SLC35E2B: variants seen among roughly 807,000 people sequenced by gnomAD.
The protein encoded by SLC35E2B is solute carrier family 35 member E2B.
A neutral mutation model predicts 32.4 loss-of-function variants in SLC35E2B; 18 were observed. The observed-to-expected ratio is 0.56, with a 90% CI of 0.38 to 0.82. SLC35E2B has a LOEUF of 0.82. SLC35E2B is among the 40% of genes least tolerant of loss of function. SLC35E2B has a pLI of 0.00. For missense variants in SLC35E2B, 263 were observed against 469.5 expected (o/e 0.56, Z 4.06); for synonymous variants, 132 against 209.1 (o/e 0.63, Z 3.18).
At chr1:1,682,387 G>A (rs1643907098) in intron 2 of SLC35E2B, among the ~76,000 whole-genome samples, 2 of 152,202 alleles carry the variant, frequency 1.3e-5, no homozygotes, top group East Asian at 3.9e-4. Flanking sequence ...CAACCTACGT[G>A]CCTGTCAACA....
intron 1 of SLC35E2B, among the ~76,000 whole-genome samples, 166 bp from the exon 2 acceptor site, chr1:1,691,559 C>T (rs1644016484): frequency 6.8e-6 from 1 of 146,760 alleles, no homozygotes; most frequent in Non-Finnish European, 1.5e-5. Context: ...GTTAAGAATC[C>T]GTGCCCCTGG....
At position 1,664,716 on chromosome 1, in the gene SLC35E2B, C is replaced by T. The variant is rs1643496559; in HGVS notation, c.*1066G>A. ...CAGGGTGGGCGCCTGACACACACCACGCGCCCCAGAAACATTCAGTGTGGA... is the reference window on the plus strand; with the variant it reads ...CAGGGTGGGCGCCTGACACACACCATGCGCCCCAGAAACATTCAGTGTGGA... On this transcript the variant is annotated 3_prime_UTR_variant, in exon 10 of 10. Coordinates refer to ENST00000617444, the MANE Select transcript of SLC35E2B (RefSeq NM_001290264.2). 2.0e-5 allele frequency: 18 copies of T among 884,506 alleles called. 3 individuals carry two copies. The highest frequency in any genetic ancestry group is 2.4e-5 in the Non-Finnish European group (18 of 747,032). 54.8% of individuals were successfully genotyped at this position (884,506 alleles called of 1,614,324 possible).
At chr1:1,673,103 C>T (rs968435151) in intron 5 of SLC35E2B, 22 of 168,066 alleles carry the variant, frequency 1.3e-4, no homozygotes, top group Non-Finnish European at 2.3e-4. Context: ...GACACGGCGG[C>T]TGATGGCTGT....
intron 2 of SLC35E2B, among the ~76,000 whole-genome samples, chr1:1,685,325 G>T (rs1357099660): frequency 3.1e-4 from 46 of 146,068 alleles, no homozygotes; most frequent in African/African-American, 1.1e-3. Flanking sequence ...GAGGTGGGGG[G>T]ACTGCTTGAG....
intron 5 of SLC35E2B, chr1:1,673,936 C>T (rs1643772151): frequency 6.7e-6 from 1 of 149,168 alleles, no homozygotes; most frequent in South Asian, 2.1e-4. Flanking sequence ...GCACTCCAGC[C>T]TGGGCGAGAG....
At chr1:1,688,012 G>A (rs570810999) in intron 2 of SLC35E2B, among the ~76,000 whole-genome samples, 17 of 152,200 alleles carry the variant, frequency 1.1e-4, no homozygotes, top group African/African-American at 1.4e-4. Context: ...CCAGAGGAGC[G>A]GTCATGTTGG....
At chr1:1,685,405 G>A (rs28739310) in intron 2 of SLC35E2B, among the ~76,000 whole-genome samples, 2,844 of 107,378 alleles carry the variant, frequency 0.026, 108 homozygotes, top group African/African-American at 0.097. Context: ...ACAGTGAAAC[G>A]TTTTCTCAGA....
intron 2 of SLC35E2B, among the ~76,000 whole-genome samples, chr1:1,683,464 C>T (rs989042239): frequency 6.6e-6 from 1 of 152,186 alleles, no homozygotes; most frequent in Non-Finnish European, 1.5e-5. Context: ...GAGGAGCAGC[C>T]GGCCGCAGAG....
At chr1:1,687,139 G>A (rs181573379) in intron 2 of SLC35E2B, among the ~76,000 whole-genome samples, 10 of 152,298 alleles carry the variant, frequency 6.6e-5, no homozygotes, top group South Asian at 4.1e-4. Context: ...GGGTGCTGTC[G>A]GGCCCGAGCG....
intron 2 of SLC35E2B, among the ~76,000 whole-genome samples, chr1:1,683,552 C>CCGAA (rs2101114339): frequency 6.6e-6 from 1 of 152,052 alleles, no homozygotes; most frequent in Non-Finnish European, 1.5e-5. Flanking sequence ...GCACCACAAT[C>CCGAA]CGAAGACCAT....
rs1218972556 is a variant in SLC35E2B, at chr1:1,671,628, C to A, written c.588G>T (p.Gly196=). 1 of 1,541,832 alleles carries A rather than the reference C, an allele frequency of 6.5e-7. No individual in the cohort carries two copies. Among genetic ancestry groups the A allele is most frequent in the Admixed American group, 2.0e-5 (1 of 49,856 alleles). The stretch of plus-strand genomic sequence containing the variant: ...GGATGAGGGAGAGGTTGACCAGCAG[C>A]CCTGGCGAGAGGACAGCCCCTGTGA... ...MSRMILGEYT[G]LLVNLSLIPV... Residue 196 remains glycine, a splice_region_variant and synonymous_variant, in exon 6 of 10, where the codon GGG becomes GGT. Coordinates refer to ENST00000617444, the MANE Select transcript of SLC35E2B (RefSeq NM_001290264.2).
rs1235150949 is a variant in SLC35E2B, at chr1:1,665,730, T to C, written c.*52A>G. On this transcript the variant is annotated 3_prime_UTR_variant, in exon 10 of 10. Transcript: ENST00000617444. ...CATGGAGGAGGGCGTCCCTGCCCAT[T>C]TCTGGGGGATGCAGTGTCACGAGGA... 2 of 1,538,414 alleles carry C rather than the reference T, an allele frequency of 1.3e-6. No homozygotes were observed. Among genetic ancestry groups the C allele is most frequent in the Non-Finnish European group, 1.8e-6 (2 of 1,138,426 alleles).
chr1:1,685,104 G>A (rs557450101), intron 2 of SLC35E2B, among the ~76,000 whole-genome samples: 44 of 128,656 alleles, frequency 3.4e-4, no homozygotes, highest in Middle Eastern at 4.1e-3. Flanking sequence ...CAAAAACTCC[G>A]TCTCAAAAAA....
In SLC35E2B at chr1:1,665,077, G is replaced by C; in HGVS notation, c.*705C>G. 2.0e-6 allele frequency: 1 copy of C among 496,318 alleles called. No individual in the cohort carries two copies. Among genetic ancestry groups the C allele is most frequent in the South Asian group, 8.6e-5 (1 of 11,670 alleles). The allele number at this position is 496,318 out of a possible 1,614,324, so 30.7% of individuals were successfully genotyped here. On this transcript the variant is annotated 3_prime_UTR_variant, in exon 10 of 10. Transcript: ENST00000617444. ...GGGAGCTCACGCAGCCCAGGGTGTG[G>C]AAGGGATAGGAGGGCAGGGTGTGGA...
intron 2 of SLC35E2B, among the ~76,000 whole-genome samples, chr1:1,685,187 C>T (rs986813944): frequency 2.6e-5 from 4 of 151,384 alleles, no homozygotes; most frequent in East Asian, 1.9e-4. Flanking sequence ...TTTGGGAGAC[C>T]GAGGCAGGAG....
chr1:1,665,572 TG>T lies in SLC35E2B; in HGVS notation c.*209del. On this transcript the variant is annotated 3_prime_UTR_variant, in exon 10 of 10. Transcript: ENST00000617444. ...GGGCTCGGCGGACACAGTCAGCTAC[TG>T]GTCTGGTCTCTACTCCAGGAAGCTG... The T allele has an allele frequency of 1.4e-6, 1 of 714,974 alleles. No homozygotes were observed. The highest frequency in any genetic ancestry group is 2.2e-6 in the Non-Finnish European group (1 of 444,652). 44.3% of individuals were successfully genotyped at this position (714,974 alleles called of 1,614,324 possible). A position where few individuals can be genotyped will look rare whatever the true frequency, so the allele number is the denominator to read the frequency against.
At chr1:1,671,685 C>G in intron 5 of SLC35E2B, 56 bp from the exon 6 acceptor site, 6 of 1,430,166 alleles carry the variant, frequency 4.2e-6, no homozygotes, top group Non-Finnish European at 4.6e-6. Flanking sequence ...CGCTCCCTCC[C>G]GAGGGCCAGG....
intron 2 of SLC35E2B, among the ~76,000 whole-genome samples, chr1:1,687,101 G>A (rs1643960373): frequency 2.0e-5 from 3 of 152,116 alleles, no homozygotes; most frequent in African/African-American, 7.2e-5. Context: ...AAGATGGATG[G>A]AATGACCCCC....
At chr1:1,666,221 C>A (rs142277529) in intron 9 of SLC35E2B, among the ~76,000 whole-genome samples, 1 of 152,112 alleles carries the variant, frequency 6.6e-6, no homozygotes, top group African/African-American at 2.4e-5. Flanking sequence ...AACGGGACCT[C>A]GGTGGTGGTG....
Sources: allele counts gnomAD v4.1 joint callset (sites outside exome capture counted in the v4.1 genomes callset), GRCh38; gene constraint gnomAD v4.1.1; transcripts MANE v1.5; gene names NCBI Gene and HGNC (gene_info 2026-07-23, HGNC 2026-07-21).